Variants in WDR72 observed in about 807,000 individuals in gnomAD.
WDR72 encodes the protein WD repeat domain 72.
WDR72 carries 120 observed loss-of-function variants against 124.2 expected under a neutral mutation model. The observed-to-expected ratio is 0.97, with a 90% confidence interval of 0.83 to 1.12. The LOEUF (loss-of-function observed/expected upper bound fraction) is 1.12. Among genes scored for constraint, WDR72 ranks in the 50% most tolerant of loss-of-function variants. WDR72 has a pLI of 0.00. For missense variants in WDR72, 1,387 were observed against 1,278.8 expected, an observed-to-expected ratio of 1.08 and a Z score of -1.29; for synonymous variants, 452 against 441.7, an observed-to-expected ratio of 1.02 and a Z score of -0.29.
chr15:53,757,801 T>A (rs1196531460), intron 1 of WDR72, among the ~76,000 whole-genome samples: 1 of 152,160 alleles, frequency 6.6e-6, no homozygotes, highest in Admixed American at 6.5e-5. Flanking sequence ...AATCTTAAAA[T>A]CTTACTGATA....
intron 18 of WDR72, among the ~76,000 whole-genome samples, chr15:53,575,955 T>C (rs1595769825): frequency 6.6e-6 from 1 of 152,152 alleles, no homozygotes; most frequent in East Asian, 1.9e-4. Flanking sequence ...AGACCACTGG[T>C]CTCCCTGCTT....
intron 17 of WDR72, among the ~76,000 whole-genome samples, chr15:53,605,809 C>T (rs1232685527): frequency 1.3e-5 from 2 of 151,892 alleles, no homozygotes; most frequent in Non-Finnish European, 2.9e-5. Flanking sequence ...GAGCCGAGAT[C>T]ATGCCACTGC....
At chr15:53,686,975 G>T (rs542123415) in intron 13 of WDR72, among the ~76,000 whole-genome samples, 2 of 151,530 alleles carry the variant, frequency 1.3e-5, no homozygotes, top group African/African-American at 4.9e-5. Context: ...GGTACATAAC[G>T]AAATGAAGGC....
intron 14 of WDR72, among the ~76,000 whole-genome samples, chr15:53,627,496 GCAGAA>G (rs1344153906): frequency 5.3e-5 from 8 of 152,306 alleles, no homozygotes; most frequent in Admixed American, 5.2e-4. Context: ...AACAGTGATA[GCAGAA>G]CTCTGAGTCA....
Position 53,515,920 on chromosome 15 carries a change from G to A in WDR72, c.*1779C>T, listed in dbSNP as rs758524930. 8 of 152,054 alleles carry A rather than the reference G, an allele frequency of 5.3e-5. No individual in the cohort carries two copies. The highest frequency in any genetic ancestry group is 8.8e-5 in the Non-Finnish European group (6 of 67,980). The allele number at this position is 152,054 out of a possible 1,614,324, so 9.4% of individuals were successfully genotyped here. On this transcript the variant is annotated 3_prime_UTR_variant, in exon 20 of 20. Transcript: ENST00000360509. ...CAAATAGATTTTAACAATTAAAAATGCCTCATTTGAGAGGACATACACTTA... is the reference window on the plus strand; with the variant it reads ...CAAATAGATTTTAACAATTAAAAATACCTCATTTGAGAGGACATACACTTA...
intron 18 of WDR72, among the ~76,000 whole-genome samples, chr15:53,544,708 G>A (rs1382971940): frequency 6.9e-6 from 1 of 145,714 alleles, no homozygotes; most frequent in African/African-American, 2.6e-5. Context: ...ATTAGGAAAA[G>A]AGGAAGTCAA....
At chr15:53,693,509 G>T (rs1259020281) in intron 13 of WDR72, among the ~76,000 whole-genome samples, 3 of 152,130 alleles carry the variant, frequency 2.0e-5, no homozygotes, top group Non-Finnish European at 4.4e-5. Flanking sequence ...GCTGTTGGTT[G>T]ACAAAACTCA....
chr15:53,530,041 A>T (rs911854975), intron 18 of WDR72, among the ~76,000 whole-genome samples: 4 of 151,316 alleles, frequency 2.6e-5, no homozygotes, highest in Admixed American at 6.6e-5. Context: ...TTGGAAAACC[A>T]TTTTTTGTGG....
intron 13 of WDR72, among the ~76,000 whole-genome samples, chr15:53,696,223 A>C (rs919225853): frequency 6.6e-6 from 1 of 152,206 alleles, no homozygotes; most frequent in Non-Finnish European, 1.5e-5. Flanking sequence ...CTGTCCACAC[A>C]TGGAACTAAG....
In WDR72 at chr15:53,665,767, G is replaced by T. The variant is rs1009657836; in HGVS notation, c.1767C>A (p.Gly589=). The T allele has an allele frequency of 1.9e-6, 3 of 1,613,388 alleles. No individual in the cohort carries two copies. Among genetic ancestry groups the T allele is most frequent in the Admixed American group, 1.7e-5 (1 of 59,924 alleles). Residue 589 remains glycine (G), a splice_region_variant and synonymous_variant, in exon 14 of 20, where the codon GGC becomes GGA. Transcript: ENST00000360509. ...CTCCTGTCTCATGTCTTTCCAAAGT[G>T]CCTGGAAAACAAGATTAGAGGTAAA... ...DSVYIWEIET[G]TLERHETGER... is the part of the protein sequence containing the mutation.
chr15:53,650,758 C>T (rs1034756894), intron 14 of WDR72, among the ~76,000 whole-genome samples: 2 of 152,142 alleles, frequency 1.3e-5, no homozygotes, highest in Admixed American at 1.3e-4. Flanking sequence ...ACATATGTCA[C>T]ACCATGGTTT....
At chr15:53,677,724 C>T (rs1191835151) in intron 13 of WDR72, among the ~76,000 whole-genome samples, 1 of 152,144 alleles carries the variant, frequency 6.6e-6, no homozygotes, top group African/African-American at 2.4e-5. Context: ...GTCAAGTAAA[C>T]CTCTTTTCTT....
At chr15:53,633,035 C>T (rs1396454421) in intron 14 of WDR72, among the ~76,000 whole-genome samples, 1 of 152,136 alleles carries the variant, frequency 6.6e-6, no homozygotes, top group Admixed American at 6.5e-5. Context: ...AGGTGTGATT[C>T]TATTTTACAA....
chr15:53,545,379 C>T (rs1893393508), intron 18 of WDR72, among the ~76,000 whole-genome samples: 1 of 149,586 alleles, frequency 6.7e-6, no homozygotes, highest in South Asian at 2.1e-4. Flanking sequence ...ACTATCTGAT[C>T]TTTGACAAAC....
chr15:53,701,768 T>G (rs1567036655), intron 12 of WDR72, among the ~76,000 whole-genome samples: 1 of 152,108 alleles, frequency 6.6e-6, no homozygotes, highest in Non-Finnish European at 1.5e-5. Context: ...GTTTGACTTG[T>G]TTTTGCCTTG....
At chr15:53,677,200 G>T (rs1400901721) in intron 13 of WDR72, among the ~76,000 whole-genome samples, 1 of 152,068 alleles carries the variant, frequency 6.6e-6, no homozygotes, top group Non-Finnish European at 1.5e-5. Flanking sequence ...GATTACAGAC[G>T]TGAGCCACCG....
chr15:53,634,753 C>G (rs1051880507), intron 14 of WDR72, among the ~76,000 whole-genome samples: 2 of 152,208 alleles, frequency 1.3e-5, no homozygotes, highest in African/African-American at 2.4e-5. Flanking sequence ...GGAGCTCAAC[C>G]TCTTGTCTCA....
intron 18 of WDR72, among the ~76,000 whole-genome samples, chr15:53,549,889 C>G (rs756819864): frequency 6.6e-6 from 1 of 152,176 alleles, no homozygotes; most frequent in East Asian, 1.9e-4. Context: ...CCGAAGGCCC[C>G]AGATCTAGGT....
intron 18 of WDR72, among the ~76,000 whole-genome samples, chr15:53,558,207 C>G (rs1444767367): frequency 6.6e-6 from 1 of 152,012 alleles, no homozygotes; most frequent in Non-Finnish European, 1.5e-5. Context: ...AACATTTTAT[C>G]CAGTTTTAAT....
Sources: allele counts gnomAD v4.1 joint callset (sites outside exome capture counted in the v4.1 genomes callset), GRCh38; gene constraint gnomAD v4.1.1; transcripts MANE v1.5; gene names NCBI Gene and HGNC (gene_info 2026-07-23, HGNC 2026-07-21).